The following DIPK1C variants were observed in gnomAD, a reference collection of about 807,000 sequenced individuals.
DIPK1C encodes familial non-conventional Alzheimer's dementia.
A neutral mutation model predicts 28.0 loss-of-function variants in DIPK1C; 33 were observed. The ratio of observed to expected loss-of-function variants is 1.18; its 90% confidence interval spans 0.89 to 1.58. The LOEUF is 1.58. DIPK1C is among the 40% of genes most tolerant of loss of function. The pLI is 0.00. For missense variants in DIPK1C, 569 were observed against 568.5 expected (o/e 1.00, Z -0.01); for synonymous variants, 255 against 248.8 (o/e 1.02, Z -0.23).
chr18:74,462,272 G>A (rs187952911), upstream of DIPK1C, among the ~76,000 whole-genome samples: 407 of 152,248 alleles, frequency 2.7e-3, 4 homozygotes, highest in African/African-American at 9.3e-3. Context: ...CCAGCCCCAG[G>A]CAACTGCTAA....
Position 74,447,381 on chromosome 18 carries a change from A to G in DIPK1C, c.199-98T>C, listed in dbSNP as rs1410556582. 1.7e-6 allele frequency: 2 copies of G among 1,211,352 alleles called. No individual in the cohort carries two copies. Among genetic ancestry groups the G allele is most frequent in the Admixed American group, 5.7e-5 (2 of 35,104 alleles). The allele number at this position is 1,211,352 out of a possible 1,614,324, so 75.0% of individuals were successfully genotyped here. A position where few individuals can be genotyped will look rare whatever the true frequency, so the allele number is the denominator to read the frequency against. On this transcript the variant is annotated intron_variant, in intron 1 of 3. Transcript: ENST00000343998. The surrounding 1 kb of genome is among the most constrained non-coding windows in gnomAD (Gnocchi z 4.1). ...AGGGGACAGCCTAGCCTCTGCCCTC[A>G]GGACGCTGATAATCCAGCTGTGCAG...
chr18:74,443,869 C>T (rs1986199614), intron 2 of DIPK1C, among the ~76,000 whole-genome samples: 1 of 152,118 alleles, frequency 6.6e-6, no homozygotes, highest in African/African-American at 2.4e-5. Flanking sequence ...CCCCAGCCTC[C>T]CCTGGGCCCC....
chr18:74,442,555 T>C (rs1986164584), intron 2 of DIPK1C, among the ~76,000 whole-genome samples: 1 of 152,168 alleles, frequency 6.6e-6, no homozygotes, highest in African/African-American at 2.4e-5. Context: ...GGTCTCGATC[T>C]CCTGACCTCC....
At chr18:74,437,458 T>C (rs1986023795) in intron 3 of DIPK1C, among the ~76,000 whole-genome samples, 1 of 152,154 alleles carries the variant, frequency 6.6e-6, no homozygotes, top group Non-Finnish European at 1.5e-5. Flanking sequence ...GTTTTATAGC[T>C]CCTACAGCTT....
chr18:74,453,372 A>G (rs1379600811), intron 1 of DIPK1C, among the ~76,000 whole-genome samples: 4 of 152,348 alleles, frequency 2.6e-5, no homozygotes, highest in African/African-American at 9.6e-5. Context: ...ATCTCAGCTC[A>G]GTTAGCTCGT....
At chr18:74,458,584 C>G (rs184054393), upstream of DIPK1C, among the ~76,000 whole-genome samples, 51 of 21,630 alleles carry the variant, frequency 2.4e-3, no homozygotes, top group African/African-American at 0.014. Flanking sequence ...CAAATATGCC[C>G]CGAATGCAAC....
rs1246869113 is a variant in DIPK1C, at chr18:74,449,424, CG to C, written c.199-2142del. On this transcript the variant is annotated intron_variant, in intron 1 of 3. Coordinates refer to ENST00000343998, the MANE Select transcript of DIPK1C (RefSeq NM_001044369.3). Reference sequence around the variant, plus strand: ...GCCTTTATAAACACTGCAGGCTAATCGTTCAAAGCGCTTACTGAAAAGAAGC... The same window carrying C: ...GCCTTTATAAACACTGCAGGCTAATCTTCAAAGCGCTTACTGAAAAGAAGC... 2.0e-4 allele frequency among the ~76,000 whole-genome samples: 31 copies of C among 152,248 alleles called. No homozygotes were observed. In the East Asian group the frequency reaches 5.8e-3, roughly 28 times the overall value.
upstream of DIPK1C, among the ~76,000 whole-genome samples, chr18:74,460,579 G>T (rs1043000494): frequency 6.6e-6 from 1 of 152,176 alleles, no homozygotes; most frequent in Non-Finnish European, 1.5e-5. Context: ...TTAAAGAGAA[G>T]AATTACCCAA....
intron 1 of DIPK1C, among the ~76,000 whole-genome samples, chr18:74,450,285 T>C (rs1003259635): frequency 2.0e-5 from 3 of 152,228 alleles, no homozygotes; most frequent in Non-Finnish European, 2.9e-5. Flanking sequence ...AATAGTTGGA[T>C]TCACTCCCAT....
intron 2 of DIPK1C, among the ~76,000 whole-genome samples, chr18:74,442,977 G>A (rs1453254530): frequency 3.3e-5 from 5 of 152,192 alleles, no homozygotes; most frequent in Admixed American, 1.3e-4. Flanking sequence ...CAGTGCCTAC[G>A]TTCTCTTCAT....
intron 2 of DIPK1C, 52 bp downstream of exon 2, chr18:74,446,554 G>T: frequency 7.3e-7 from 1 of 1,373,898 alleles, no homozygotes; most frequent in South Asian, 1.9e-5. Flanking sequence ...CTTCCCTCCA[G>T]ACCCGAGAGC....
At chr18:74,463,095 C>G in the DIPK1C span, among the ~76,000 whole-genome samples, 1 of 152,060 alleles carries the variant, frequency 6.6e-6, no homozygotes, top group Non-Finnish European at 1.5e-5. Context: ...GTGGGGTGCC[C>G]CATCTTCATT....
chr18:74,457,425 C>T (rs1039731118), upstream of DIPK1C, among the ~76,000 whole-genome samples: 1 of 151,638 alleles, frequency 6.6e-6, no homozygotes, highest in East Asian at 1.9e-4. Context: ...GCGGGGAGGG[C>T]GTCCAGCAGC....
At chr18:74,450,129 C>G (rs1248203699) in intron 1 of DIPK1C, among the ~76,000 whole-genome samples, 1 of 151,984 alleles carries the variant, frequency 6.6e-6, no homozygotes, top group East Asian at 1.9e-4. Context: ...AAGGGCTGTT[C>G]ATTTTACTTG....
At chr18:74,437,439 A>C (rs79091459) in intron 3 of DIPK1C, among the ~76,000 whole-genome samples, 1,551 of 152,204 alleles carry the variant, frequency 0.01, 39 homozygotes, top group African/African-American at 0.036. Context: ...CCCTGTAAAC[A>C]TGTTGTTTGT....
At chr18:74,439,682 T>C (rs1443493110) in intron 3 of DIPK1C, among the ~76,000 whole-genome samples, 2 of 152,090 alleles carry the variant, frequency 1.3e-5, no homozygotes, top group Non-Finnish European at 2.9e-5. Context: ...TAGCTACATG[T>C]GGTGGCACAC....
At chr18:74,445,720 C>G (rs1172618710) in intron 2 of DIPK1C, among the ~76,000 whole-genome samples, 1 of 152,192 alleles carries the variant, frequency 6.6e-6, no homozygotes, top group Non-Finnish European at 1.5e-5. Context: ...CGGCACTGGC[C>G]GCCTAAGAAT....
intron 3 of DIPK1C, among the ~76,000 whole-genome samples, chr18:74,440,730 C>T (rs560127744): frequency 1.3e-5 from 2 of 152,332 alleles, no homozygotes; most frequent in South Asian, 4.1e-4. Flanking sequence ...CGTTACATTG[C>T]AAAGAGCAGG....
At chr18:74,453,838 G>C (rs907819928) in intron 1 of DIPK1C, among the ~76,000 whole-genome samples, 1 of 152,150 alleles carries the variant, frequency 6.6e-6, no homozygotes, top group Non-Finnish European at 1.5e-5. Flanking sequence ...CTGGGGCTCA[G>C]TTTTGCCATC....
Sources: gnomAD v4.1 joint callset for allele counts (sites outside exome capture counted in the v4.1 genomes callset) on GRCh38, gnomAD v4.1.1 for gene constraint, Gnocchi (gnomAD v3.1) non-coding constraint, MANE v1.5 for transcripts, NCBI Gene and HGNC (gene_info 2026-07-23, HGNC 2026-07-21) for gene names.